PROB1: variants seen among roughly 807,000 people sequenced by gnomAD.
The protein encoded by PROB1 is proline-rich basic protein 1.
For synonymous variants in PROB1, 660 were observed against 699.3 expected (o/e 0.94, Z 0.89); for missense variants, 1,453 against 1,485.7 (o/e 0.98, Z 0.36).
At position 139,394,538 on chromosome 5, in the gene PROB1, C is replaced by T. The variant is rs1343525538; in HGVS notation, c.544G>A (p.Ala182Thr). The change falls in exon 1 of 1, where the codon GCC (alanine) becomes ACC (threonine). Residue 182 changes from alanine to threonine, a missense_variant. Ala to Thr is a moderately conservative substitution (Grantham distance 58, BLOSUM62 0). Coordinates refer to ENST00000434752, the MANE Select transcript of PROB1 (RefSeq NM_001161546.2). ...ELRPRGPSPA[A>T]PAQFECVEVA... ...TCCACACACTCGAACTGCGCTGGGGCGGCAGGACTTGGCCCACGGGGCCGC... is the reference window on the plus strand; with the variant it reads ...TCCACACACTCGAACTGCGCTGGGGTGGCAGGACTTGGCCCACGGGGCCGC... 2.7e-6 allele frequency: 4 copies of T among 1,485,596 alleles called. No individual in the cohort carries two copies. Among genetic ancestry groups the T allele is most frequent in the Non-Finnish European group, 3.6e-6 (4 of 1,125,390 alleles). 92.0% of individuals were successfully genotyped at this position (1,485,596 alleles called of 1,614,324 possible).
Position 139,392,347 on chromosome 5 carries a change from T to A in PROB1, c.2735A>T (p.Gln912Leu), listed in dbSNP as rs892140045. Residue 912 changes from glutamine to leucine, a missense_variant, in exon 1 of 1, where the codon CAG becomes CTG. Coordinates refer to ENST00000434752, the MANE Select transcript of PROB1 (RefSeq NM_001161546.2). This position sits in a 1 kb window ranked among gnomAD's most constrained non-coding sequence, Gnocchi z 5.8. ...GGGCGGCAGCAACACCTCCACGTAC[T>A]GCCCACTCTCAGGGTCGAAGAGCAC... is the stretch of plus-strand genomic sequence containing the variant. The part of the protein sequence containing the change: ...LRVLFDPESG[Q>L]YVEVLLPPSS... 6.5e-7 allele frequency: 1 copy of A among 1,533,328 alleles called. No homozygotes were observed. The highest frequency in any genetic ancestry group is 1.4e-5 in the African/African-American group (1 of 71,908). 95.0% of individuals were successfully genotyped at this position (1,533,328 alleles called of 1,614,324 possible).
Position 139,394,846 on chromosome 5 carries a change from C to T in PROB1, c.236G>A (p.Arg79His). Reference sequence around the variant, plus strand: ...ACCCGAGCCGGGCCCGTGCCGCTGGCGGCTATTCTGGGCGCTGACGGACAG... The same window carrying T: ...ACCCGAGCCGGGCCCGTGCCGCTGGTGGCTATTCTGGGCGCTGACGGACAG... ...PRLSVSAQNS[R>H]QRHGPGSGFP... The change falls in exon 1 of 1, where the codon CGC (arginine) becomes CAC (histidine). Residue 79 changes from arginine (R) to histidine (H), a missense_variant. Physicochemically the swap from Arg to His is conservative, Grantham distance 29. Transcript: ENST00000434752. The T allele has an allele frequency of 6.5e-7, 1 of 1,531,550 alleles. No individual in the cohort carries two copies. Among genetic ancestry groups the T allele is most frequent in the South Asian group, 1.2e-5 (1 of 82,570 alleles). 94.9% of individuals were successfully genotyped at this position (1,531,550 alleles called of 1,614,324 possible).
In PROB1 at chr5:139,393,541, C is replaced by G. The variant is rs763971984; in HGVS notation, c.1541G>C (p.Trp514Ser). 277 of 1,551,188 alleles carry G rather than the reference C, an allele frequency of 1.8e-4. 2 individuals are homozygous for G. Among genetic ancestry groups the G allele is most frequent in the Admixed American group, 9.8e-5 (5 of 50,986 alleles). The change falls in exon 1 of 1, where the codon TGG becomes TCG. Residue 514 changes from tryptophan (W) to serine (S), a missense_variant. Coordinates refer to ENST00000434752, the MANE Select transcript of PROB1 (RefSeq NM_001161546.2). Reference sequence around the variant, plus strand: ...CCATGTCTCTTGGGGAGATGGGCCCCAAGTTCCAATAGGACGATCTGGAGC... The same window carrying G: ...CCATGTCTCTTGGGGAGATGGGCCCGAAGTTCCAATAGGACGATCTGGAGC... ...WEAPDRPIGT[W>S]GPSPQETWDP...
chr5:139,392,198 C>CTCA lies in PROB1; in HGVS notation c.2883_2884insTGA (p.Leu961_Gly962insTer). On this transcript the variant is annotated stop_gained and inframe_insertion, in exon 1 of 1. Transcript: ENST00000434752. LOFTEE classifies it low-confidence loss of function (END_TRUNC). The surrounding 1 kb of genome is among the most constrained non-coding windows in gnomAD (Gnocchi z 5.8). Reference sequence around the variant, plus strand: ...GAGACCCAGGGTAGCTGGGGGCTGCCGAGGGCCTGCGGGCCCGGGGACGGT... The same window carrying CTCA: ...GAGACCCAGGGTAGCTGGGGGCTGCCTCAGAGGGCCTGCGGGCCCGGGGACGGT... 7.1e-7 allele frequency: 1 copy of CTCA among 1,417,744 alleles called. No homozygotes were observed. Among genetic ancestry groups the CTCA allele is most frequent in the Non-Finnish European group, 9.3e-7 (1 of 1,079,518 alleles). The allele number at this position is 1,417,744 out of a possible 1,614,324, so 87.8% of individuals were successfully genotyped here.
In PROB1 at chr5:139,394,947, G is replaced by A. The variant is rs1222471945; in HGVS notation, c.135C>T (p.Asp45=). The A allele has an allele frequency of 1.3e-6, 2 of 1,521,252 alleles. No individual in the cohort carries two copies. Among genetic ancestry groups the A allele is most frequent in the Non-Finnish European group, 8.8e-7 (1 of 1,135,918 alleles). 94.2% of individuals were successfully genotyped at this position (1,521,252 alleles called of 1,614,324 possible). Residue 45 remains aspartate (D), a synonymous_variant, in exon 1 of 1, where the codon GAC becomes GAT. Transcript: ENST00000434752. The stretch of plus-strand genomic sequence containing the variant: ...CTGGGCCTTTCGCGTCCGGCCCAAC[G>A]TCCGGGGGCTCCGGAGAACCTGGAG... ...YTAPGSPEPP[D]VGPDAKGPAN...
chr5:139,391,926 G>A lies in PROB1; in HGVS notation c.*108C>T. The A allele has an allele frequency of 2.3e-6, 2 of 879,476 alleles. No homozygotes were observed. Among genetic ancestry groups the A allele is most frequent in the Non-Finnish European group, 3.0e-6 (2 of 657,108 alleles). 54.5% of individuals were successfully genotyped at this position (879,476 alleles called of 1,614,324 possible). On this transcript the variant is annotated 3_prime_UTR_variant, in exon 1 of 1. Coordinates refer to ENST00000434752, the MANE Select transcript of PROB1 (RefSeq NM_001161546.2). This position sits in a 1 kb window ranked among gnomAD's most constrained non-coding sequence, Gnocchi z 4.8. Reference sequence around the variant, plus strand: ...TCACTTCCTGTCCGACGACTGACTGGGATGGGTTAAAGACAGAGGCGACGG... The same window carrying A: ...TCACTTCCTGTCCGACGACTGACTGAGATGGGTTAAAGACAGAGGCGACGG...
In PROB1 at chr5:139,392,429, C is replaced by T. The variant is rs1758613296; in HGVS notation, c.2653G>A (p.Asp885Asn). The part of the protein sequence containing the change: ...GAAPLGKVLV[D>N]PESGRYYFVE... ...AAGTAGTAGCGGCCGCTCTCGGGGT[C>T]CACCAAGACCTTCCCCAGGGGCGCG... Residue 885 changes from aspartate to asparagine, a missense_variant, in exon 1 of 1, where the codon GAC becomes AAC. By Grantham distance (23) the Asp-to-Asn change is conservative. Transcript: ENST00000434752. This position sits in a 1 kb window ranked among gnomAD's most constrained non-coding sequence, Gnocchi z 5.8. 1.4e-6 allele frequency: 2 copies of T among 1,467,834 alleles called. No individual in the cohort carries two copies. The highest frequency in any genetic ancestry group is 2.4e-5 in the Admixed American group (1 of 41,118). 90.9% of individuals were successfully genotyped at this position (1,467,834 alleles called of 1,614,324 possible).
chr5:139,394,913 G>A lies in PROB1; in HGVS notation c.169C>T (p.Pro57Ser). 6.6e-7 allele frequency: 1 copy of A among 1,519,514 alleles called. No homozygotes were observed. Among genetic ancestry groups the A allele is most frequent in the Non-Finnish European group, 8.8e-7 (1 of 1,134,906 alleles). The allele number at this position is 1,519,514 out of a possible 1,614,324, so 94.1% of individuals were successfully genotyped here. A position where few individuals can be genotyped will look rare whatever the true frequency, so the allele number is the denominator to read the frequency against. The change falls in exon 1 of 1, where the codon CCC becomes TCC. Residue 57 changes from proline to serine, a missense_variant. Pro to Ser is a moderately conservative substitution (Grantham distance 74, BLOSUM62 -1). Coordinates refer to ENST00000434752, the MANE Select transcript of PROB1 (RefSeq NM_001161546.2). ...GCCCCCCGCCCAGGAGCCACCCAGG[G>A]CCAATTCGCTGGGCCTTTCGCGTCC... ...GPDAKGPANWPWVAPGRGAGA... is the reference protein window; with the variant it reads ...GPDAKGPANWSWVAPGRGAGA...
At position 139,391,378 on chromosome 5, in the gene PROB1, C is replaced by T. The variant is rs1758599222; in HGVS notation, c.*656G>A. 6.5e-6 allele frequency: 1 copy of T among 152,784 alleles called. No individual in the cohort carries two copies. Among genetic ancestry groups the T allele is most frequent in the Non-Finnish European group, 1.5e-5 (1 of 68,394 alleles). The allele number at this position is 152,784 out of a possible 1,614,324, so 9.5% of individuals were successfully genotyped here. On this transcript the variant is annotated 3_prime_UTR_variant, in exon 1 of 1. Coordinates refer to ENST00000434752, the MANE Select transcript of PROB1 (RefSeq NM_001161546.2). The surrounding 1 kb of genome is among the most constrained non-coding windows in gnomAD (Gnocchi z 4.8). The stretch of plus-strand genomic sequence containing the variant: ...CTTCCCACCCCAAGTTCCAGGCTAA[C>T]CCCCAACCCAGGCCCTCCCTGTATT...
At position 139,393,795 on chromosome 5, in the gene PROB1, C is replaced by A. The variant is rs1179870961; in HGVS notation, c.1287G>T (p.Leu429Phe). The A allele has an allele frequency of 3.9e-6, 6 of 1,551,418 alleles. No individual in the cohort carries two copies. In the South Asian group the frequency reaches 5.9e-5, roughly 15 times the overall value. Residue 429 changes from leucine to phenylalanine, a missense_variant, in exon 1 of 1, where the codon TTG (leucine) becomes TTT (phenylalanine). Physicochemically the swap from Leu to Phe is conservative, Grantham distance 22. Transcript: ENST00000434752. ...CCCACTCGGAGGAGGCTTCAGGGAA[C>A]AATGGGCTACTCACCCTCCGAGTAG... ...DRTTRRVSSPLFPEASSEWEN... is the reference protein window; with the variant it reads ...DRTTRRVSSPFFPEASSEWEN...
In PROB1 at chr5:139,394,413, G is replaced by A; in HGVS notation, c.669C>T (p.Ala223=). ...RPRPQSPPRA[A]GAPRPRLLLR... is the part of the protein sequence containing the mutation. Reference sequence around the variant, plus strand: ...GGAGCAGCCGGGGGCGCGGCGCGCCGGCCGCCCTTGGGGGACTCTGGGGCC... The same window carrying A: ...GGAGCAGCCGGGGGCGCGGCGCGCCAGCCGCCCTTGGGGGACTCTGGGGCC... The change falls in exon 1 of 1, where the codon GCC becomes GCT. Residue 223 remains alanine, a synonymous_variant. Transcript: ENST00000434752. The A allele has an allele frequency of 4.3e-6, 6 of 1,388,172 alleles. No homozygotes were observed. The highest frequency in any genetic ancestry group is 4.6e-6 in the Non-Finnish European group (5 of 1,079,376). The allele number at this position is 1,388,172 out of a possible 1,614,324, so 86.0% of individuals were successfully genotyped here. A position where few individuals can be genotyped will look rare whatever the true frequency, so the allele number is the denominator to read the frequency against.
rs1354311484 is a variant in PROB1, at chr5:139,393,803, T to A, written c.1279A>T (p.Ser427Cys). 2 of 1,551,166 alleles carry A rather than the reference T, an allele frequency of 1.3e-6. No individual in the cohort carries two copies. The highest frequency in any genetic ancestry group is 1.2e-5 in the South Asian group (1 of 84,066). The change falls in exon 1 of 1, where the codon AGC (serine) becomes TGC (cysteine). Residue 427 changes from serine to cysteine, a missense_variant. Coordinates refer to ENST00000434752, the MANE Select transcript of PROB1 (RefSeq NM_001161546.2). ...GAGGAGGCTTCAGGGAACAATGGGC[T>A]ACTCACCCTCCGAGTAGTCCGATCC... ...PWDRTTRRVSSPLFPEASSEW... is the reference protein window; with the variant it reads ...PWDRTTRRVSCPLFPEASSEW...
Position 139,395,062 on chromosome 5 carries a change from G to T in PROB1, c.20C>A (p.Pro7Gln), listed in dbSNP as rs1053471268. Residue 7 changes from proline to glutamine, a missense_variant, in exon 1 of 1, where the codon CCG becomes CAG. Coordinates refer to ENST00000434752, the MANE Select transcript of PROB1 (RefSeq NM_001161546.2). ...CCTCGGGATCCCAGGCAGGGCTGGC[G>T]GGGCGAGCGCGGTCAGCATGGTGGG... Reference protein sequence around the residue: MLTALAPPALPGIPRQL... With the variant: MLTALAQPALPGIPRQL... 3 of 1,414,498 alleles carry T rather than the reference G, an allele frequency of 2.1e-6. No homozygotes were observed. Among genetic ancestry groups the T allele is most frequent in the Middle Eastern group, 2.5e-4 (1 of 3,922 alleles). The allele number at this position is 1,414,498 out of a possible 1,614,324, so 87.6% of individuals were successfully genotyped here. A position where few individuals can be genotyped will look rare whatever the true frequency, so the allele number is the denominator to read the frequency against.
In PROB1 at chr5:139,392,206, T is replaced by C; in HGVS notation, c.2876A>G (p.Gln959Arg). The change falls in exon 1 of 1, where the codon CAG becomes CGG. Residue 959 changes from glutamine to arginine, a missense_variant. Physicochemically the swap from Gln to Arg is conservative, Grantham distance 43 (BLOSUM62 1). Coordinates refer to ENST00000434752, the MANE Select transcript of PROB1 (RefSeq NM_001161546.2). The surrounding 1 kb of genome is among the most constrained non-coding windows in gnomAD (Gnocchi z 5.8). Reference sequence around the variant, plus strand: ...GGGTAGCTGGGGGCTGCCGAGGGCCTGCGGGCCCGGGGACGGTGGCAGAGA... The same window carrying C: ...GGGTAGCTGGGGGCTGCCGAGGGCCCGCGGGCCCGGGGACGGTGGCAGAGA... ...SLSLPPSPGPQALGSPQLPWV... is the reference protein window; with the variant it reads ...SLSLPPSPGPRALGSPQLPWV... 2 of 1,425,120 alleles carry C rather than the reference T, an allele frequency of 1.4e-6. No homozygotes were observed. Among genetic ancestry groups the C allele is most frequent in the Non-Finnish European group, 1.8e-6 (2 of 1,082,810 alleles). 88.3% of individuals were successfully genotyped at this position (1,425,120 alleles called of 1,614,324 possible). A position where few individuals can be genotyped will look rare whatever the true frequency, so the allele number is the denominator to read the frequency against.
rs995998782 is a variant in PROB1, at chr5:139,392,019, G to C, written c.*15C>G. 2 of 1,369,700 alleles carry C rather than the reference G, an allele frequency of 1.5e-6. No homozygotes were observed. The highest frequency in any genetic ancestry group is 1.9e-6 in the Non-Finnish European group (2 of 1,056,440). 84.8% of individuals were successfully genotyped at this position (1,369,700 alleles called of 1,614,324 possible). On this transcript the variant is annotated 3_prime_UTR_variant, in exon 1 of 1. Coordinates refer to ENST00000434752, the MANE Select transcript of PROB1 (RefSeq NM_001161546.2). This position sits in a 1 kb window ranked among gnomAD's most constrained non-coding sequence, Gnocchi z 5.8. ...CATCCAAGGGCTCCAACTCCATGGG[G>C]ATCGGCCCGGGGCCTCACAGCGGGA...
Position 139,394,722 on chromosome 5 carries a change from C to T in PROB1, c.360G>A (p.Leu120=), listed in dbSNP as rs1356722218. ...EMEVIFGVGP[L]FGCSGADDRE... Reference sequence around the variant, plus strand: ...GATCGTCTGCGCCGGAGCAGCCGAACAGGGGTCCGACGCCGAAGATGACTT... The same window carrying T: ...GATCGTCTGCGCCGGAGCAGCCGAATAGGGGTCCGACGCCGAAGATGACTT... Residue 120 remains leucine, a synonymous_variant, in exon 1 of 1, where the codon CTG becomes CTA. Coordinates refer to ENST00000434752, the MANE Select transcript of PROB1 (RefSeq NM_001161546.2). The T allele has an allele frequency of 1.3e-6, 2 of 1,532,202 alleles. No individual in the cohort carries two copies. The highest frequency in any genetic ancestry group is 2.0e-5 in the Admixed American group (1 of 50,704). 94.9% of individuals were successfully genotyped at this position (1,532,202 alleles called of 1,614,324 possible).
chr5:139,392,777 C>T lies in PROB1; in HGVS notation c.2305G>A (p.Val769Ile). ...ENRDVEAQRL[V>I]PDGDGRTSPL... ...CTGGTCCGACCGTCGCCGTCGGGGA[C>T]CAGGCGCTGGGCCTCTACATCCCTG... The change falls in exon 1 of 1, where the codon GTC becomes ATC. Residue 769 changes from valine to isoleucine, a missense_variant. Physicochemically the swap from Val to Ile is conservative, Grantham distance 29 (BLOSUM62 3). Coordinates refer to ENST00000434752, the MANE Select transcript of PROB1 (RefSeq NM_001161546.2). The surrounding 1 kb of genome is among the most constrained non-coding windows in gnomAD (Gnocchi z 5.8). The T allele has an allele frequency of 6.9e-7, 1 of 1,442,810 alleles. No individual in the cohort carries two copies. The allele number at this position is 1,442,810 out of a possible 1,614,324, so 89.4% of individuals were successfully genotyped here. A position where few individuals can be genotyped will look rare whatever the true frequency, so the allele number is the denominator to read the frequency against.
chr5:139,392,236 C>A lies in PROB1; in HGVS notation c.2846G>T (p.Ser949Ile). 2 of 1,454,390 alleles carry A rather than the reference C, an allele frequency of 1.4e-6. No individual in the cohort carries two copies. Among genetic ancestry groups the A allele is most frequent in the Non-Finnish European group, 1.8e-6 (2 of 1,097,688 alleles). The allele number at this position is 1,454,390 out of a possible 1,614,324, so 90.1% of individuals were successfully genotyped here. ...LYPPAYGPIP[S>I]LSLPPSPGPQ... ...GCCCGGGGACGGTGGCAGAGAGAGG[C>A]TGGGTATAGGCCCATAGGCGGGCGG... Residue 949 changes from serine to isoleucine, a missense_variant, in exon 1 of 1, where the codon AGC becomes ATC. Ser to Ile is a moderately radical substitution (Grantham distance 142). Coordinates refer to ENST00000434752, the MANE Select transcript of PROB1 (RefSeq NM_001161546.2). The surrounding 1 kb of genome is among the most constrained non-coding windows in gnomAD (Gnocchi z 5.8).
Position 139,394,799 on chromosome 5 carries a change from C to T in PROB1, c.283G>A (p.Gly95Ser), listed in dbSNP as rs1402112646. Residue 95 changes from glycine (G) to serine (S), a missense_variant, in exon 1 of 1, where the codon GGC (glycine) becomes AGC (serine). Coordinates refer to ENST00000434752, the MANE Select transcript of PROB1 (RefSeq NM_001161546.2). ...AGCTGGGGCTGGGGTGGCCGTGGGCCGGAACCTGGGCCTCGCGGGAAACCC... is the reference window on the plus strand; with the variant it reads ...AGCTGGGGCTGGGGTGGCCGTGGGCTGGAACCTGGGCCTCGCGGGAAACCC... ...GSGFPRGPGSGPRPPQPQLRT... is the reference protein window; with the variant it reads ...GSGFPRGPGSSPRPPQPQLRT... The T allele has an allele frequency of 8.5e-6, 13 of 1,528,318 alleles. No individual in the cohort carries two copies. Among genetic ancestry groups the T allele is most frequent in the African/African-American group, 1.4e-5 (1 of 70,212 alleles). 94.7% of individuals were successfully genotyped at this position (1,528,318 alleles called of 1,614,324 possible).
Sources: allele counts gnomAD v4.1 joint callset, GRCh38; gene constraint gnomAD v4.1.1; non-coding constraint Gnocchi (gnomAD v3.1); transcripts MANE v1.5; gene names NCBI Gene and HGNC (gene_info 2026-07-23, HGNC 2026-07-21).